The following INVS variants were observed in gnomAD, a reference collection of about 807,000 sequenced individuals.
The protein encoded by INVS is inversin.
A neutral mutation model predicts 108.8 loss-of-function variants in INVS; 86 were observed. That is an observed-to-expected ratio of 0.79 (90% CI 0.66 to 0.95). The LOEUF (loss-of-function observed/expected upper bound fraction) is 0.95, where lower values mean the gene tolerates loss of function less well. Among genes scored for constraint, INVS ranks in the 40% least tolerant of loss-of-function variants. The pLI is 0.00. For missense variants in INVS, 1,169 were observed against 1,297.4 expected (o/e 0.90, Z 1.52); for synonymous variants, 455 against 473.5 (o/e 0.96, Z 0.51).
At chr9:100,125,059 A>G (rs551388059) in intron 2 of INVS, among the ~76,000 whole-genome samples, 50 of 152,328 alleles carry the variant, frequency 3.3e-4, no homozygotes, top group East Asian at 3.1e-3. Flanking sequence ...AGCTTTTGCT[A>G]TCTTGATTCT....
chr9:100,232,192 T>C lies in INVS; in HGVS notation c.615+2365T>C, dbSNP rs184076064. On this transcript the variant is annotated intron_variant, in intron 5 of 16. Coordinates refer to ENST00000262457, the MANE Select transcript of INVS (RefSeq NM_014425.5). ...TCTGTTCGTATCCTTTGCCCACTTT[T>C]TAATGAGTTTTTTTTTTCTTTTAAA... is the stretch of plus-strand genomic sequence containing the variant. 2.0e-5 allele frequency among the ~76,000 whole-genome samples: 3 copies of C among 152,064 alleles called. No individual in the cohort carries two copies. In the East Asian group the frequency reaches 5.8e-4, roughly 29 times the overall value.
intron 3 of INVS, among the ~76,000 whole-genome samples, chr9:100,162,031 A>G (rs941715616): frequency 6.6e-6 from 1 of 152,214 alleles, no homozygotes; most frequent in Non-Finnish European, 1.5e-5. Flanking sequence ...GCCTGGAAGA[A>G]AAGGCTGGGA....
At chr9:100,218,633 G>A (rs1831058061) in intron 3 of INVS, among the ~76,000 whole-genome samples, 1 of 152,134 alleles carries the variant, frequency 6.6e-6, no homozygotes, top group Non-Finnish European at 1.5e-5. Context: ...TTCAGAATAG[G>A]GTTCAGGAAG....
intron 11 of INVS, among the ~76,000 whole-genome samples, chr9:100,267,178 A>G (rs1459715939): frequency 6.6e-6 from 1 of 152,174 alleles, no homozygotes; most frequent in Non-Finnish European, 1.5e-5. Flanking sequence ...ATTTCCATTT[A>G]TATGCTAAAC....
chr9:100,225,639 T>G (rs1216242564), intron 3 of INVS, among the ~76,000 whole-genome samples: 2 of 152,108 alleles, frequency 1.3e-5, no homozygotes, highest in African/African-American at 4.8e-5. Flanking sequence ...CACCAAACAC[T>G]GTAAAATGTG....
At chr9:100,233,796 A>C (rs766038228) in intron 5 of INVS, among the ~76,000 whole-genome samples, 12 of 152,192 alleles carry the variant, frequency 7.9e-5, no homozygotes, top group Non-Finnish European at 1.5e-4. Context: ...GGATTTTCGC[A>C]TTGATGTTCA....
At chr9:100,268,838 G>A (rs796125120) in intron 11 of INVS, among the ~76,000 whole-genome samples, 3 of 152,248 alleles carry the variant, frequency 2.0e-5, no homozygotes, top group African/African-American at 7.2e-5. Context: ...AGAATGCCCA[G>A]GGTCACACAG....
At position 100,199,662 on chromosome 9, in the gene INVS, C is replaced by T. The variant is rs183271301; in HGVS notation, c.274-26400C>T. ...ATTGTTTTCTGGTAGCCATCGGTTCCGATGAGAAGTACACCATCATCCCTG... is the reference window on the plus strand; with the variant it reads ...ATTGTTTTCTGGTAGCCATCGGTTCTGATGAGAAGTACACCATCATCCCTG... On this transcript the variant is annotated intron_variant, in intron 3 of 16. Transcript: ENST00000262457. Among the ~76,000 whole-genome samples the T allele has an allele frequency of 5.6e-3, 847 of 152,214 alleles. 29 individuals carry two copies. Among genetic ancestry groups the T allele is most frequent in the Admixed American group, 0.053 (808 of 15,290 alleles).
chr9:100,107,125 A>G (rs1564115535), intron 2 of INVS, among the ~76,000 whole-genome samples: 1 of 152,200 alleles, frequency 6.6e-6, no homozygotes. Context: ...TACAACTTAT[A>G]TGTACAATTT....
chr9:100,249,218 G>A (rs1486286626), intron 8 of INVS, among the ~76,000 whole-genome samples: 5 of 152,028 alleles, frequency 3.3e-5, no homozygotes, highest in Non-Finnish European at 5.9e-5. Context: ...TTATCCACTC[G>A]ACTGTCTATT....
intron 3 of INVS, among the ~76,000 whole-genome samples, chr9:100,127,304 A>G (rs1827918188): frequency 6.6e-6 from 1 of 152,140 alleles, no homozygotes; most frequent in Non-Finnish European, 1.5e-5. Context: ...TGTATTTTCA[A>G]CTTTTTAAAA....
intron 3 of INVS, among the ~76,000 whole-genome samples, chr9:100,224,623 CT>C (rs796982619): frequency 4.0e-4 from 59 of 146,960 alleles, no homozygotes; most frequent in East Asian, 9.9e-4. Flanking sequence ...GCTTCTTTCT[CT>C]TTTTTTTTTT....
chr9:100,131,822 CATAA>C (rs1258069723), intron 3 of INVS: 1 of 615,586 alleles, frequency 1.6e-6, no homozygotes, highest in African/African-American at 2.0e-5. Context: ...TTTTTAAATT[CATAA>C]ATAATTCTCA....
At chr9:100,169,585 C>T (rs1829475157) in intron 3 of INVS, among the ~76,000 whole-genome samples, 1 of 152,100 alleles carries the variant, frequency 6.6e-6, no homozygotes, top group Non-Finnish European at 1.5e-5. Context: ...TCTCTATGTA[C>T]AAATTAAATT....
At chr9:100,281,412 G>A (rs1432592205) in intron 12 of INVS, among the ~76,000 whole-genome samples, 1 of 152,190 alleles carries the variant, frequency 6.6e-6, no homozygotes, top group Admixed American at 6.5e-5. Context: ...AAGCTGAATT[G>A]TGTGTGTTGT....
intron 3 of INVS, among the ~76,000 whole-genome samples, chr9:100,157,045 C>A (rs189483060): frequency 4.8e-4 from 72 of 150,854 alleles, no homozygotes; most frequent in Non-Finnish European, 8.1e-4. Flanking sequence ...ATTTTTCATA[C>A]AGTGGAATAC....
chr9:100,206,180 A>G lies in INVS; in HGVS notation c.274-19882A>G, dbSNP rs537675570. The stretch of plus-strand genomic sequence containing the variant: ...GAGTAGGGAGCATTTTGAAATTTAA[A>G]TATAATCTGAGGATAAGAAACAACT... On this transcript the variant is annotated intron_variant, in intron 3 of 16. Transcript: ENST00000262457. Among the ~76,000 whole-genome samples, 11 of 152,222 alleles carry G rather than the reference A, an allele frequency of 7.2e-5. No homozygotes were observed. The South Asian group carries it at 2.3e-3, about 32-fold the overall frequency.
chr9:100,142,840 A>G (rs1013048582), intron 3 of INVS, among the ~76,000 whole-genome samples: 4 of 152,200 alleles, frequency 2.6e-5, no homozygotes, highest in African/African-American at 9.7e-5. Flanking sequence ...GAAAGGCTAT[A>G]GGACGTGGTC....
chr9:100,203,347 ACTTTTT>A (rs1830584785), intron 3 of INVS, among the ~76,000 whole-genome samples: 1 of 152,014 alleles, frequency 6.6e-6, no homozygotes. Context: ...GTCTCGGGTA[ACTTTTT>A]CTTTGTCTTT....
Sources: allele counts gnomAD v4.1 joint callset (sites outside exome capture counted in the v4.1 genomes callset), GRCh38; gene constraint gnomAD v4.1.1; transcripts MANE v1.5; gene names NCBI Gene and HGNC (gene_info 2026-07-23, HGNC 2026-07-21).